Variants in SLC4A10 observed in about 807,000 individuals in gnomAD.
SLC4A10 encodes sodium-driven chloride bicarbonate exchanger.
In SLC4A10, 42 loss-of-function variants were observed where a neutral mutation model predicts 137.7. The ratio of observed to expected loss-of-function variants is 0.30; its 90% CI spans 0.24 to 0.39. SLC4A10 has a LOEUF of 0.39. Ranked by LOEUF, SLC4A10 falls within the 10% of genes least tolerant of loss-of-function variation. The pLI, the probability that SLC4A10 is intolerant of heterozygous loss-of-function variation, is 1.00. For synonymous variants in SLC4A10, 474 were observed against 464.1 expected (o/e 1.02, Z -0.27); for missense variants, 925 against 1,355.0 (o/e 0.68, Z 4.98).
chr2:161,924,486 T>C (rs1426228440), intron 15 of SLC4A10, among the ~76,000 whole-genome samples: 2 of 152,158 alleles, frequency 1.3e-5, no homozygotes, highest in East Asian at 3.8e-4. Context: ...ATATCTGTGA[T>C]TTTATACATA....
intron 1 of SLC4A10, among the ~76,000 whole-genome samples, chr2:161,673,847 G>C (rs1310849424): frequency 1.3e-5 from 2 of 151,974 alleles, no homozygotes; most frequent in Admixed American, 1.3e-4. Context: ...AAAATTAGCT[G>C]GGTGTGGTGG....
intron 23 of SLC4A10, among the ~76,000 whole-genome samples, chr2:161,971,421 T>C (rs1377759178): frequency 6.6e-6 from 1 of 152,226 alleles, no homozygotes; most frequent in African/African-American, 2.4e-5. Context: ...GTATTATGTA[T>C]TATTCTACCT....
intron 2 of SLC4A10, among the ~76,000 whole-genome samples, chr2:161,778,146 G>C (rs1316860016): frequency 6.6e-6 from 1 of 151,880 alleles, no homozygotes; most frequent in African/African-American, 2.4e-5. Context: ...TATTATTACA[G>C]ACTTTCTGTT....
chr2:161,689,218 C>A (rs947787648), intron 1 of SLC4A10, among the ~76,000 whole-genome samples: 1 of 152,046 alleles, frequency 6.6e-6, no homozygotes, highest in African/African-American at 2.4e-5. Context: ...CTAAGTGTAT[C>A]GTACGGTGTT....
chr2:161,873,532 A>G (rs1017783286), intron 7 of SLC4A10, among the ~76,000 whole-genome samples: 8 of 135,010 alleles, frequency 5.9e-5, no homozygotes, highest in Non-Finnish European at 8.3e-5. Flanking sequence ...CCACATCTCA[A>G]AAAAAAAAAA....
chr2:161,882,755 G>A (rs2061901891), intron 10 of SLC4A10, among the ~76,000 whole-genome samples: 1 of 152,000 alleles, frequency 6.6e-6, no homozygotes, highest in East Asian at 1.9e-4. Context: ...AATATCAATG[G>A]AAATCTTGTT....
chr2:161,698,548 G>T (rs866719684), intron 1 of SLC4A10, among the ~76,000 whole-genome samples: 1 of 152,122 alleles, frequency 6.6e-6, no homozygotes, highest in African/African-American at 2.4e-5. Context: ...GGCCTTTTCT[G>T]CATCTATTGA....
At chr2:161,860,870 G>A (rs940870453) in intron 5 of SLC4A10, among the ~76,000 whole-genome samples, 3 of 152,054 alleles carry the variant, frequency 2.0e-5, no homozygotes, top group Admixed American at 6.5e-5. Flanking sequence ...GATTTTGTAG[G>A]GCATTTGAGC....
chr2:161,964,701 A>AT (rs1324473484), intron 22 of SLC4A10, among the ~76,000 whole-genome samples: 2 of 152,148 alleles, frequency 1.3e-5, no homozygotes, highest in Admixed American at 1.3e-4. Flanking sequence ...AAATAATTTC[A>AT]TAATTATTAG....
At chr2:161,890,275 G>T (rs527802428) in intron 10 of SLC4A10, among the ~76,000 whole-genome samples, 1 of 152,242 alleles carries the variant, frequency 6.6e-6, no homozygotes, top group African/African-American at 2.4e-5. Context: ...TTGATTTGGG[G>T]TGGAGAGTTC....
chr2:161,684,848 TG>T (rs1262351021), intron 1 of SLC4A10, among the ~76,000 whole-genome samples: 7 of 152,218 alleles, frequency 4.6e-5, no homozygotes, highest in Non-Finnish European at 8.8e-5. Flanking sequence ...ACACAGGTTA[TG>T]TCTTACTCAC....
intron 15 of SLC4A10, among the ~76,000 whole-genome samples, chr2:161,933,195 CTTTCTTTCT>C (rs1690813125): frequency 1.3e-5 from 1 of 77,550 alleles, no homozygotes; most frequent in Non-Finnish European, 2.7e-5. Flanking sequence ...TTCTTTCTTT[CTTTCTTTCT>C]TTCTTTCTTT....
At chr2:161,829,532 G>C (rs1239185169) in intron 3 of SLC4A10, among the ~76,000 whole-genome samples, 2 of 152,048 alleles carry the variant, frequency 1.3e-5, no homozygotes, top group African/African-American at 4.8e-5. Flanking sequence ...AATTGTCATG[G>C]ATTCTCATGA....
At chr2:161,721,040 G>A (rs1209870950) in intron 1 of SLC4A10, among the ~76,000 whole-genome samples, 2 of 152,044 alleles carry the variant, frequency 1.3e-5, no homozygotes, top group Non-Finnish European at 2.9e-5. Flanking sequence ...TGTTGATCAG[G>A]CTGGTCTTGA....
At position 161,687,772 on chromosome 2, in the gene SLC4A10, G is replaced by A. The variant is rs78182721; in HGVS notation, c.48+63206G>A. On this transcript the variant is annotated intron_variant, in intron 1 of 26. Transcript: ENST00000446997. Reference sequence around the variant, plus strand: ...TCTCATGATAATGAGTGAGTCTCACGAGATCTCATGATTTTACAAGTGTCT... The same window carrying A: ...TCTCATGATAATGAGTGAGTCTCACAAGATCTCATGATTTTACAAGTGTCT... Among the ~76,000 whole-genome samples, 6 of 152,214 alleles carry A rather than the reference G, an allele frequency of 3.9e-5. No individual in the cohort carries two copies. In the East Asian group the frequency reaches 7.7e-4, roughly 20 times the overall value.
Position 161,957,042 on chromosome 2 carries a change from A to C in SLC4A10, c.2595A>C (p.Val865=). 6.2e-7 allele frequency: 1 copy of C among 1,610,244 alleles called. No individual in the cohort carries two copies. ...TAATGGTGGCTGTCATGCTCGGTGT[A>C]TGCTCCATCATGGGCCTGCCATGGT... is the stretch of plus-strand genomic sequence containing the variant. ...DLLMVAVMLG[V]CSIMGLPWFV... The change falls in exon 20 of 27, where the codon GTA becomes GTC. Residue 865 remains valine, a synonymous_variant. Coordinates refer to ENST00000446997, the MANE Select transcript of SLC4A10 (RefSeq NM_001178015.2).
At chr2:161,936,355 GTAT>G (rs1189159868) in intron 15 of SLC4A10, among the ~76,000 whole-genome samples, 1 of 152,068 alleles carries the variant, frequency 6.6e-6, no homozygotes, top group African/African-American at 2.4e-5. Context: ...AGAGGAACTG[GTAT>G]TATTAGTTCT....
chr2:161,781,911 G>C (rs1480073643), intron 2 of SLC4A10, among the ~76,000 whole-genome samples: 1 of 152,026 alleles, frequency 6.6e-6, no homozygotes, highest in Non-Finnish European at 1.5e-5. Context: ...ATACAATTGG[G>C]AAAAGAGTCT....
intron 1 of SLC4A10, among the ~76,000 whole-genome samples, chr2:161,728,591 C>G (rs2046485505): frequency 6.6e-6 from 1 of 151,880 alleles, no homozygotes; most frequent in African/African-American, 2.4e-5. Context: ...AAAAAAAATT[C>G]TAGCCAAGAT....
Sources: allele counts gnomAD v4.1 joint callset (sites outside exome capture counted in the v4.1 genomes callset), GRCh38; gene constraint gnomAD v4.1.1; transcripts MANE v1.5; gene names NCBI Gene and HGNC (gene_info 2026-07-23, HGNC 2026-07-21).